The following PRKN variants were observed in gnomAD, a reference collection of about 807,000 sequenced individuals.
PRKN encodes E3 ubiquitin-protein ligase parkin.
A neutral mutation model predicts 59.5 loss-of-function variants in PRKN; 56 were observed. The observed-to-expected ratio is 0.94, with a 90% confidence interval of 0.76 to 1.18. The LOEUF is 1.18. Ranked by LOEUF, PRKN falls within the 50% of genes most tolerant of loss-of-function variation. The pLI is 0.00. For synonymous variants in PRKN, 250 were observed against 222.1 expected (o/e 1.13, Z -1.12); for missense variants, 657 against 596.4 (o/e 1.10, Z -1.06).
chr6:161,935,380 C>A (rs1316101252), intron 6 of PRKN, among the ~76,000 whole-genome samples: 1 of 151,824 alleles, frequency 6.6e-6, no homozygotes, highest in African/African-American at 2.4e-5. Flanking sequence ...TGGTGAAACT[C>A]CATCTCTACT....
At chr6:162,382,268 C>T (rs1786532323) in intron 2 of PRKN, among the ~76,000 whole-genome samples, 1 of 151,900 alleles carries the variant, frequency 6.6e-6, no homozygotes, top group African/African-American at 2.4e-5. Flanking sequence ...CAACTGTTAA[C>T]TAGAAATGGA....
intron 10 of PRKN, among the ~76,000 whole-genome samples, chr6:161,370,225 C>A (rs1785385199): frequency 2.0e-5 from 3 of 151,552 alleles, no homozygotes; most frequent in Non-Finnish European, 4.4e-5. Flanking sequence ...GAGACCCTGT[C>A]TCTATAAACA....
At position 161,460,528 on chromosome 6, in the gene PRKN, G is replaced by A. The variant is rs1036808593; in HGVS notation, c.1084-73651C>T. 6.6e-6 allele frequency among the ~76,000 whole-genome samples: 1 copy of A among 152,138 alleles called. No homozygotes were observed. The highest frequency in any genetic ancestry group is 2.4e-5 in the African/African-American group (1 of 41,422). ...ACCCCCGTGATCACTTGGGTTTGGG[G>A]AAGGAGACATGCTGGTAGGTAAGGA... On this transcript the variant is annotated intron_variant, in intron 9 of 11. Coordinates refer to ENST00000366898, the MANE Select transcript of PRKN (RefSeq NM_004562.3). This position sits in a 1 kb window ranked among gnomAD's most constrained non-coding sequence, Gnocchi z 5.0.
At chr6:161,420,547 T>C (rs942839891) in intron 9 of PRKN, among the ~76,000 whole-genome samples, 2 of 152,050 alleles carry the variant, frequency 1.3e-5, no homozygotes, top group African/African-American at 4.8e-5. Context: ...AGGATTCTGC[T>C]CTGTCACCCA....
chr6:162,544,738 C>T (rs1349665999), intron 1 of PRKN, among the ~76,000 whole-genome samples: 6 of 138,246 alleles, frequency 4.3e-5, no homozygotes, highest in African/African-American at 8.2e-5. Context: ...AGAGCAGTGG[C>T]GCGATGTCGA....
chr6:161,549,075 G>T lies in PRKN; in HGVS notation c.934-72C>A. On this transcript the variant is annotated intron_variant, in intron 8 of 11. Transcript: ENST00000366898. The surrounding 1 kb of genome is among the most constrained non-coding windows in gnomAD (Gnocchi z 6.0). ...TTCAGCCAAAGGGTTAGGAGCTACA[G>T]TGCATGGGATTTCTTGCTTAACCAG... 6.5e-7 allele frequency: 1 copy of T among 1,536,198 alleles called. No homozygotes were observed. The highest frequency in any genetic ancestry group is 9.0e-7 in the Non-Finnish European group (1 of 1,109,638).
chr6:162,467,915 A>C (rs558253770), intron 1 of PRKN, among the ~76,000 whole-genome samples: 2 of 152,122 alleles, frequency 1.3e-5, no homozygotes, highest in South Asian at 2.1e-4. Flanking sequence ...CTTTGCCTGG[A>C]GCACTCTTGC....
At chr6:162,439,340 T>TTCTC (rs35631679) in intron 2 of PRKN, among the ~76,000 whole-genome samples, 31 of 134,858 alleles carry the variant, frequency 2.3e-4, no homozygotes, top group African/African-American at 5.1e-4. Context: ...TACCCCTCCC[T>TTCTC]TCTCTCTCTC....
chr6:161,781,770 A>G (rs577160313), intron 7 of PRKN, among the ~76,000 whole-genome samples: 1 of 152,364 alleles, frequency 6.6e-6, no homozygotes, highest in African/African-American at 2.4e-5. Context: ...TGTTTTCAAC[A>G]TGACTGAGAA....
At chr6:162,523,881 A>T (rs1172866724) in intron 1 of PRKN, among the ~76,000 whole-genome samples, 1 of 151,992 alleles carries the variant, frequency 6.6e-6, no homozygotes, top group East Asian at 1.9e-4. Flanking sequence ...AAAACAAAAA[A>T]TTATGAGGAT....
intron 9 of PRKN, among the ~76,000 whole-genome samples, chr6:161,508,190 CA>C (rs765942301): frequency 6.6e-6 from 1 of 151,948 alleles, no homozygotes; most frequent in African/African-American, 2.4e-5. Flanking sequence ...AATTCAATAG[CA>C]AAAAAATGTG....
intron 1 of PRKN, among the ~76,000 whole-genome samples, chr6:162,508,810 C>A (rs1403117509): frequency 6.6e-6 from 1 of 152,080 alleles, no homozygotes; most frequent in Non-Finnish European, 1.5e-5. Context: ...CGTGATTGCA[C>A]CACTTCACTC....
chr6:161,704,448 C>A (rs1786396705), intron 7 of PRKN, among the ~76,000 whole-genome samples: 1 of 152,198 alleles, frequency 6.6e-6, no homozygotes, highest in Admixed American at 6.5e-5. Context: ...ATTTTATCCA[C>A]TCCCTGAAAA....
intron 4 of PRKN, among the ~76,000 whole-genome samples, chr6:162,126,885 C>A (rs1781148650): frequency 6.6e-6 from 1 of 152,138 alleles, no homozygotes; most frequent in Non-Finnish European, 1.5e-5. Context: ...CCTCATGTTA[C>A]ATTTTACACT....
Position 162,692,570 on chromosome 6 carries a change from A to ACCC in PRKN, c.7+35089_7+35091dup, listed in dbSNP as rs66507325. Among the ~76,000 whole-genome samples the ACCC allele has an allele frequency of 9.4e-3, 1,417 of 150,136 alleles. 14 individuals are homozygous for ACCC. The highest frequency in any genetic ancestry group is 0.053 in the East Asian group (264 of 4,998). On this transcript the variant is annotated intron_variant, in intron 1 of 11. Transcript: ENST00000366898. ...TAGGTGTTCCACACCTACAAGACAG[A>ACCC]CCCCCCCCAACAAAATCCTTGACCA... is the stretch of plus-strand genomic sequence containing the variant.
Position 161,863,323 on chromosome 6 carries a change from A to AT in PRKN, c.735-77416dup, listed in dbSNP as rs201370867. On this transcript the variant is annotated intron_variant, in intron 6 of 11. Coordinates refer to ENST00000366898, the MANE Select transcript of PRKN (RefSeq NM_004562.3). ...AAGGAAAACCATGTTCCTTGGATTTATTAAAAAAAAAAAGGGAAAAAACAT... is the reference window on the plus strand; with the variant it reads ...AAGGAAAACCATGTTCCTTGGATTTATTTAAAAAAAAAAAGGGAAAAAACAT... Among the ~76,000 whole-genome samples, 198 of 131,670 alleles carry AT rather than the reference A, an allele frequency of 1.5e-3. 1 individual carries two copies. The highest frequency in any genetic ancestry group is 4.8e-3 in the African/African-American group (187 of 38,918). 86.4% of individuals were successfully genotyped at this position (131,670 alleles called of 152,430 possible). A position where few individuals can be genotyped will look rare whatever the true frequency, so the allele number is the denominator to read the frequency against.
rs891402130 is a variant in PRKN at position 161,566,893 on chromosome 6, T to G, written c.933+2462A>C. On this transcript the variant is annotated intron_variant, in intron 8 of 11. Coordinates refer to ENST00000366898, the MANE Select transcript of PRKN (RefSeq NM_004562.3). This position sits in a 1 kb window ranked among gnomAD's most constrained non-coding sequence, Gnocchi z 4.1. ...TTCATCCACTCTGTGGAAATCTCCT[T>G]TCCCAGATGTCACCATGAGGCTTCT... Among the ~76,000 whole-genome samples the G allele has an allele frequency of 6.6e-5, 10 of 152,146 alleles. No individual in the cohort carries two copies. Among genetic ancestry groups the G allele is most frequent in the African/African-American group, 2.4e-4 (10 of 41,430 alleles).
chr6:162,195,470 C>T (rs1281775275), intron 4 of PRKN, among the ~76,000 whole-genome samples: 2 of 152,186 alleles, frequency 1.3e-5, no homozygotes, highest in Non-Finnish European at 2.9e-5. Flanking sequence ...AATGATTTTA[C>T]ATTTAGACTG....
At chr6:162,540,399 C>T (rs979795745) in intron 1 of PRKN, among the ~76,000 whole-genome samples, 2 of 152,096 alleles carry the variant, frequency 1.3e-5, no homozygotes, top group East Asian at 1.9e-4. Context: ...TCAAAGATCC[C>T]ATTAATGTTT....
Sources: gnomAD v4.1 joint callset for allele counts (sites outside exome capture counted in the v4.1 genomes callset) on GRCh38, gnomAD v4.1.1 for gene constraint, Gnocchi (gnomAD v3.1) non-coding constraint, MANE v1.5 for transcripts, NCBI Gene and HGNC (gene_info 2026-07-23, HGNC 2026-07-21) for gene names.